SAFB2: variants seen among roughly 807,000 people sequenced by gnomAD.
SAFB2 encodes scaffold attachment factor B2.
SAFB2 carries 32 observed loss-of-function variants against 100.6 expected under a neutral mutation model. The observed-to-expected ratio is 0.32, with a 90% CI of 0.24 to 0.43. The LOEUF (loss-of-function observed/expected upper bound fraction) is 0.43, where lower values mean the gene tolerates loss of function less well. SAFB2 is among the 20% of genes least tolerant of loss of function. The pLI, the probability that SAFB2 is intolerant of heterozygous loss-of-function variation, is 1.00. For synonymous variants in SAFB2, 500 were observed against 439.4 expected (o/e 1.14, Z -1.72); for missense variants, 1,185 against 1,163.4 (o/e 1.02, Z -0.27).
At chr19:5,602,027 G>GC (rs562474453) in intron 11 of SAFB2, among the ~76,000 whole-genome samples, 279 of 152,222 alleles carry the variant, frequency 1.8e-3, no homozygotes, top group African/African-American at 6.6e-3. Flanking sequence ...TCTTTGGAAA[G>GC]CTTCTCTATT....
In SAFB2 at chr19:5,600,142, C is replaced by T; in HGVS notation, c.1678G>A (p.Val560Ile). Reference sequence around the variant, plus strand: ...AGGCTCTCCTCACCTGATTTGGTGACTCTAGACCGATTTGTAGGTCCGGGT... The same window carrying T: ...AGGCTCTCCTCACCTGATTTGGTGATTCTAGACCGATTTGTAGGTCCGGGT... The part of the protein sequence containing the change: ...LKPGPTNRSR[V>I]TKSGSRGMER... Residue 560 changes from valine to isoleucine, a missense_variant, in exon 12 of 21, where the codon GTC (valine) becomes ATC (isoleucine). Physicochemically the swap from Val to Ile is conservative, Grantham distance 29. Transcript: ENST00000252542. 1.9e-6 allele frequency: 3 copies of T among 1,614,022 alleles called. No homozygotes were observed. Among genetic ancestry groups the T allele is most frequent in the Non-Finnish European group, 2.5e-6 (3 of 1,179,968 alleles).
At chr19:5,602,676 G>A (rs1438308212) in intron 11 of SAFB2, among the ~76,000 whole-genome samples, 1 of 151,862 alleles carries the variant, frequency 6.6e-6, no homozygotes, top group Non-Finnish European at 1.5e-5. Context: ...CAAGGACCAA[G>A]GAAACTGCTG....
chr19:5,607,045 A>C (rs1446426007), intron 9 of SAFB2, among the ~76,000 whole-genome samples: 2 of 152,210 alleles, frequency 1.3e-5, no homozygotes, highest in Non-Finnish European at 2.9e-5. Flanking sequence ...GAGGATCACG[A>C]GGTCAGGAGA....
intron 2 of SAFB2, among the ~76,000 whole-genome samples, chr19:5,620,598 C>T (rs1008994565): frequency 8.5e-5 from 13 of 152,240 alleles, no homozygotes; most frequent in Non-Finnish European, 1.8e-4. Context: ...ACAATTCCAT[C>T]TACATGAAAT....
intron 2 of SAFB2, among the ~76,000 whole-genome samples, chr19:5,617,602 C>A (rs554916778): frequency 6.6e-6 from 1 of 152,064 alleles, no homozygotes; most frequent in Non-Finnish European, 1.5e-5. Context: ...GGTTCACAAC[C>A]GGGGGGAATG....
At chr19:5,616,015 G>C (rs2053020253) in intron 4 of SAFB2, 117 bp downstream of exon 4, 2 of 891,826 alleles carry the variant, frequency 2.2e-6, no homozygotes, top group South Asian at 3.1e-5. Context: ...CCAGGGTGTA[G>C]AAGCAGAACT....
In SAFB2 at chr19:5,588,043, G is replaced by A. The variant is rs1434434255; in HGVS notation, c.2526-63C>T. The A allele has an allele frequency of 3.4e-6, 5 of 1,460,188 alleles. No individual in the cohort carries two copies. In the Admixed American group the frequency reaches 1.0e-4, roughly 30 times the overall value. 90.5% of individuals were successfully genotyped at this position (1,460,188 alleles called of 1,614,324 possible). A position where few individuals can be genotyped will look rare whatever the true frequency, so the allele number is the denominator to read the frequency against. ...GCCTCCAGGGTTGTGTCGGCAGCAG[G>A]CGCACCCACCCTGACCTCAGCTGCA... On this transcript the variant is annotated intron_variant, in intron 18 of 20. Coordinates refer to ENST00000252542, the MANE Select transcript of SAFB2 (RefSeq NM_014649.3).
intron 9 of SAFB2, 34 bp downstream of exon 9, chr19:5,609,961 C>A: frequency 6.4e-7 from 1 of 1,571,354 alleles, no homozygotes; most frequent in South Asian, 1.1e-5. Context: ...AACTCTGAAT[C>A]ACAGTGGATG....
rs1055659001 is a variant in SAFB2, at chr19:5,593,747, C to G, written c.2207+144G>C. On this transcript the variant is annotated intron_variant, in intron 15 of 20. Coordinates refer to ENST00000252542, the MANE Select transcript of SAFB2 (RefSeq NM_014649.3). ...ACCTGCAGCAGCGCAGTGAGATCGG[C>G]GGGGGGTCCCCAAGGCGCATGCTCC... 5.8e-6 allele frequency: 5 copies of G among 862,006 alleles called. No homozygotes were observed. In the African/African-American group the frequency reaches 9.0e-5, roughly 16 times the overall value. 53.4% of individuals were successfully genotyped at this position (862,006 alleles called of 1,614,324 possible).
intron 11 of SAFB2, among the ~76,000 whole-genome samples, chr19:5,601,001 GCAAGGC>G (rs2052643671): frequency 1.3e-5 from 2 of 152,122 alleles, no homozygotes; most frequent in Non-Finnish European, 2.9e-5. Flanking sequence ...TCAGGCCCCT[GCAAGGC>G]CCTCCAGCAA....
At chr19:5,603,878 C>T (rs962770824) in intron 11 of SAFB2, among the ~76,000 whole-genome samples, 6 of 152,234 alleles carry the variant, frequency 3.9e-5, no homozygotes, top group East Asian at 3.8e-4. Flanking sequence ...CTTTGAAAAA[C>T]TGGGTGTATG....
At chr19:5,603,692 C>A (rs2052712017) in intron 11 of SAFB2, among the ~76,000 whole-genome samples, 1 of 152,024 alleles carries the variant, frequency 6.6e-6, no homozygotes, top group Non-Finnish European at 1.5e-5. Context: ...CACAGGGTGC[C>A]ACCGTGAGAA....
intron 11 of SAFB2, among the ~76,000 whole-genome samples, chr19:5,601,565 A>T (rs1292494419): frequency 6.6e-6 from 1 of 151,996 alleles, no homozygotes; most frequent in Admixed American, 6.6e-5. Context: ...AAAAAAATTT[A>T]GCCAGGCGTG....
rs748217787 is a variant in SAFB2, at chr19:5,587,419, A to AT, written c.2706-21dup. 7.5e-6 allele frequency: 12 copies of AT among 1,599,006 alleles called. No individual in the cohort carries two copies. Among genetic ancestry groups the AT allele is most frequent in the Non-Finnish European group, 9.4e-6 (11 of 1,172,484 alleles). ...CCTCGCCTAGGAACAAAGTCAGACA[A>AT]TTTTTTTCCCCTTGAAGTGCTCAGC... On this transcript the variant is annotated intron_variant, in intron 20 of 20. Transcript: ENST00000252542. This position sits in a 1 kb window ranked among gnomAD's most constrained non-coding sequence, Gnocchi z 4.9.
chr19:5,605,478 C>G (rs780756134), intron 9 of SAFB2, among the ~76,000 whole-genome samples: 10 of 152,134 alleles, frequency 6.6e-5, no homozygotes, highest in Non-Finnish European at 1.5e-4. Context: ...GTTATAAAAC[C>G]ATTAAACTTC....
intron 11 of SAFB2, 51 bp from the exon 12 acceptor site, chr19:5,600,311 G>A: frequency 1.3e-6 from 2 of 1,598,700 alleles, no homozygotes; most frequent in Non-Finnish European, 1.7e-6. Flanking sequence ...TCTGTAACAG[G>A]AACGGCTCAC....
At chr19:5,591,927 A>G (rs1386587464) in intron 16 of SAFB2, 134 bp from the exon 17 acceptor site, 5 of 826,622 alleles carry the variant, frequency 6.0e-6, no homozygotes, top group Non-Finnish European at 9.8e-6. Flanking sequence ...GGAAAAAAGG[A>G]AAAAGCTAGC....
chr19:5,610,845 C>T (rs1011528102), intron 7 of SAFB2, 157 bp from the exon 8 acceptor site: 2 of 750,746 alleles, frequency 2.7e-6, no homozygotes, highest in Non-Finnish European at 4.2e-6. Context: ...AAAATCTGAC[C>T]CCAAAAATAC....
Position 5,590,322 on chromosome 19 carries a change from G to A in SAFB2, c.2481C>T (p.Ser827=), listed in dbSNP as rs769071549. The change falls in exon 18 of 21, where the codon TCC becomes TCT. Residue 827 remains serine (S), a synonymous_variant. Coordinates refer to ENST00000252542, the MANE Select transcript of SAFB2 (RefSeq NM_014649.3). ...DSRDGWGGYG[S]DKRLSEGRGL... Reference sequence around the variant, plus strand: ...CCCGGCCTTCACTCAGCCTCTTGTCGGAGCCGTAGCCCCCCCAGCCATCAC... The same window carrying A: ...CCCGGCCTTCACTCAGCCTCTTGTCAGAGCCGTAGCCCCCCCAGCCATCAC... The A allele has an allele frequency of 1.1e-5, 18 of 1,608,782 alleles. No individual in the cohort carries two copies. Among genetic ancestry groups the A allele is most frequent in the East Asian group, 6.7e-5 (3 of 44,684 alleles).
Sources: gnomAD v4.1 joint callset for allele counts (sites outside exome capture counted in the v4.1 genomes callset) on GRCh38, gnomAD v4.1.1 for gene constraint, Gnocchi (gnomAD v3.1) non-coding constraint, MANE v1.5 for transcripts, NCBI Gene and HGNC (gene_info 2026-07-23, HGNC 2026-07-21) for gene names.